ZNF439: variants seen among roughly 807,000 people sequenced by gnomAD.
ZNF439 encodes the protein zinc finger protein 439.
ZNF439 carries 40 observed loss-of-function variants against 47.3 expected under a neutral mutation model. That is an observed-to-expected ratio of 0.85 (90% CI 0.66 to 1.10). ZNF439 has a LOEUF of 1.10. Ranked by LOEUF, ZNF439 falls within the 50% of genes least tolerant of loss-of-function variation. The pLI is 0.00. For missense variants in ZNF439, 556 were observed against 601.1 expected, an observed-to-expected ratio of 0.93 and a Z score of 0.78; for synonymous variants, 171 against 198.8, an observed-to-expected ratio of 0.86 and a Z score of 1.18.
At chr19:11,849,825 G>A (rs1387409472) in intron 1 of ZNF439, 1 of 152,136 alleles carries the variant, frequency 6.6e-6, no homozygotes, top group Non-Finnish European at 1.5e-5. Flanking sequence ...CCTTTGCCTT[G>A]CGTGGCCTTA....
Position 11,867,391 on chromosome 19 carries a change from A to T in ZNF439, c.337A>T (p.Asn113Tyr). 6.2e-7 allele frequency: 1 copy of T among 1,614,006 alleles called. No individual in the cohort carries two copies. Among genetic ancestry groups the T allele is most frequent in the East Asian group, 2.2e-5 (1 of 44,880 alleles). Residue 113 changes from asparagine to tyrosine, a missense_variant, in exon 4 of 4, where the codon AAC (asparagine) becomes TAC (tyrosine). Transcript: ENST00000682736. ...TFTPVPDDRL[N>Y]FQKKKASPEV... ...TACCCCAGTTCCAGATGACAGGCTGAACTTCCAGAAGAAGAAAGCTTCTCC... is the reference window on the plus strand; with the variant it reads ...TACCCCAGTTCCAGATGACAGGCTGTACTTCCAGAAGAAGAAAGCTTCTCC...
intron 1 of ZNF439, among the ~76,000 whole-genome samples, chr19:11,865,043 G>A (rs1400829223): frequency 1.3e-5 from 2 of 152,110 alleles, no homozygotes; most frequent in African/African-American, 4.8e-5. Context: ...ACCTCCCAAA[G>A]TGCTGGGATT....
intron 1 of ZNF439, among the ~76,000 whole-genome samples, chr19:11,862,606 T>G (rs940702902): frequency 1.3e-5 from 2 of 152,184 alleles, no homozygotes; most frequent in Admixed American, 6.5e-5. Context: ...ACAGACTGTC[T>G]TTCAAATTGG....
chr19:11,868,469 A>T lies in ZNF439; in HGVS notation c.1415A>T (p.Glu472Val). ...ATTCACACTGGAGAGAAACCCTATG[A>T]ATGTAAGAAATGTGGGAAAGCCTTC... ...RRIHTGEKPY[E>V]CKKCGKAFRY... Residue 472 changes from glutamate to valine, a missense_variant, in exon 4 of 4, where the codon GAA becomes GTA. Glu to Val is a moderately radical substitution (Grantham distance 121). Coordinates refer to ENST00000682736, the MANE Select transcript of ZNF439 (RefSeq NM_001348719.2). 5.6e-6 allele frequency: 9 copies of T among 1,613,900 alleles called. No homozygotes were observed. The highest frequency in any genetic ancestry group is 7.6e-6 in the Non-Finnish European group (9 of 1,179,928).
intron 1 of ZNF439, chr19:11,851,132 A>G (rs1384041599): frequency 6.6e-6 from 1 of 152,206 alleles, no homozygotes; most frequent in East Asian, 1.9e-4. Context: ...AAAGAAGAAG[A>G]AGAAGAAAGA....
Position 11,868,494 on chromosome 19 carries a change from C to T in ZNF439, c.1440C>T (p.Phe480=). ...AATGTAAGAAATGTGGGAAAGCCTT[C>T]AGATATGTCCAGAACTTTCGATTTC... The part of the protein sequence containing the change: ...PYECKKCGKA[F]RYVQNFRFHE... Residue 480 remains phenylalanine, a synonymous_variant, in exon 4 of 4, where the codon TTC becomes TTT. Transcript: ENST00000682736. 5 of 1,613,006 alleles carry T rather than the reference C, an allele frequency of 3.1e-6. No individual in the cohort carries two copies. The highest frequency in any genetic ancestry group is 4.2e-6 in the Non-Finnish European group (5 of 1,179,698).
chr19:11,858,659 C>T (rs977463949), intron 1 of ZNF439, among the ~76,000 whole-genome samples: 2 of 152,070 alleles, frequency 1.3e-5, no homozygotes, highest in Non-Finnish European at 2.9e-5. Flanking sequence ...AGTGGCTAAC[C>T]GACTCCTCTT....
intron 1 of ZNF439, 129 bp downstream of exon 1, chr19:11,849,059 C>T: frequency 4.9e-6 from 6 of 1,228,664 alleles, no homozygotes; most frequent in Non-Finnish European, 6.2e-6. Flanking sequence ...CCCTCGGTCC[C>T]CGCGGCCGCT....
intron 1 of ZNF439, among the ~76,000 whole-genome samples, chr19:11,860,998 C>T (rs1216653202): frequency 2.0e-5 from 3 of 152,136 alleles, no homozygotes; most frequent in Admixed American, 2.0e-4. Flanking sequence ...TAGGTAGGAC[C>T]TTAGGACACT....
chr19:11,862,035 G>T (rs564395166), intron 1 of ZNF439, among the ~76,000 whole-genome samples: 3 of 152,018 alleles, frequency 2.0e-5, no homozygotes, highest in Admixed American at 6.5e-5. Flanking sequence ...TGCATTGAAG[G>T]TCTCGCAATA....
chr19:11,857,776 A>G (rs1029467912), intron 1 of ZNF439: 1 of 152,242 alleles, frequency 6.6e-6, no homozygotes. Context: ...ACCTGTCTTT[A>G]TGGAGAACTA....
At position 11,867,909 on chromosome 19, in the gene ZNF439, TA is replaced by T; in HGVS notation, c.856del (p.Ser286ValfsTer65). ...GTCAGGAATGTGGGAAAGCATTCCA[TA>T]GTCCCAGATCCTGTCACAGACATGA... The part of the protein sequence containing the change: ...ECQECGKAFH[S>X]PRSCHRHERS... On this transcript the variant is annotated frameshift_variant, in exon 4 of 4. Transcript: ENST00000682736. LOFTEE classifies it high-confidence loss of function. The T allele has an allele frequency of 6.2e-7, 1 of 1,613,838 alleles. No individual in the cohort carries two copies. Among genetic ancestry groups the T allele is most frequent in the Non-Finnish European group, 8.5e-7 (1 of 1,179,914 alleles).
At chr19:11,857,635 G>T (rs561859931) in intron 1 of ZNF439, 1 of 152,198 alleles carries the variant, frequency 6.6e-6, no homozygotes, top group Non-Finnish European at 1.5e-5. Flanking sequence ...CAATTGCTGC[G>T]GGGAAATCTA....
In ZNF439 at chr19:11,848,786, C is replaced by A; in HGVS notation, c.-82C>A. 13 of 1,364,980 alleles carry A rather than the reference C, an allele frequency of 9.5e-6. No homozygotes were observed. The highest frequency in any genetic ancestry group is 1.2e-5 in the Non-Finnish European group (12 of 1,038,234). 84.6% of individuals were successfully genotyped at this position (1,364,980 alleles called of 1,614,324 possible). On this transcript the variant is annotated 5_prime_UTR_variant, in exon 1 of 4. Coordinates refer to ENST00000682736, the MANE Select transcript of ZNF439 (RefSeq NM_001348719.2). ...GCCGTCACCTTTGTCGCTGCGAGGG[C>A]GGCGGTTGGGATCTGGCCTTTCCAG...
rs370739890 is a variant in ZNF439, at chr19:11,867,778, A to G, written c.724A>G (p.Thr242Ala). Residue 242 changes from threonine (T) to alanine (A), a missense_variant, in exon 4 of 4, where the codon ACT becomes GCT. Physicochemically the swap from Thr to Ala is moderately conservative, Grantham distance 58. Transcript: ENST00000682736. ...ATATCTTATCCATGAAAGAACTCAC[A>G]CTGGAGAGAAACCGTATGAATGTAA... ...SLYLIHERTH[T>A]GEKPYECKQC... 6 of 1,614,042 alleles carry G rather than the reference A, an allele frequency of 3.7e-6. No homozygotes were observed. In the African/African-American group the frequency reaches 6.7e-5, roughly 18 times the overall value.
intron 1 of ZNF439, among the ~76,000 whole-genome samples, chr19:11,861,076 C>G (rs1568257504): frequency 6.6e-6 from 1 of 152,072 alleles, no homozygotes; most frequent in African/African-American, 2.4e-5. Flanking sequence ...CTGGTTTGTC[C>G]CTGCATTCTC....
intron 1 of ZNF439, among the ~76,000 whole-genome samples, chr19:11,862,113 G>A (rs559495763): frequency 3.3e-5 from 5 of 151,798 alleles, no homozygotes; most frequent in African/African-American, 9.7e-5. Context: ...TTTTTGTTTT[G>A]TTAGAGACAG....
intron 1 of ZNF439, chr19:11,865,884 G>T: frequency 2.5e-6 from 1 of 407,500 alleles, no homozygotes. Flanking sequence ...AAAATTAGCC[G>T]GGTATGCTGG....
chr19:11,868,026 C>G lies in ZNF439; in HGVS notation c.972C>G (p.Thr324=). The G allele has an allele frequency of 6.2e-7, 1 of 1,613,874 alleles. No homozygotes were observed. Among genetic ancestry groups the G allele is most frequent in the Non-Finnish European group, 8.5e-7 (1 of 1,179,976 alleles). The change falls in exon 4 of 4, where the codon ACC becomes ACG. Residue 324 remains threonine (T), a synonymous_variant. Transcript: ENST00000682736. ...CPRYVRRHER[T]HSRKKLYECK... ...GTTATGTTCGTAGACATGAAAGGACCCACTCTAGGAAAAAACTTTATGAAT... is the reference window on the plus strand; with the variant it reads ...GTTATGTTCGTAGACATGAAAGGACGCACTCTAGGAAAAAACTTTATGAAT...
Sources: gnomAD v4.1 joint callset for allele counts (sites outside exome capture counted in the v4.1 genomes callset) on GRCh38, gnomAD v4.1.1 for gene constraint, MANE v1.5 for transcripts, NCBI Gene and HGNC (gene_info 2026-07-23, HGNC 2026-07-21) for gene names.